SMYD3: variants seen among roughly 807,000 people sequenced by gnomAD.
SMYD3 encodes SET and MYND domain containing 3.
Under a neutral mutation model 57.7 loss-of-function variants are expected in SMYD3, and 36 were observed. The observed-to-expected ratio is 0.62, with a 90% CI of 0.48 to 0.82. SMYD3 has a LOEUF of 0.82. Among genes scored for constraint, SMYD3 ranks in the 40% least tolerant of loss-of-function variants. The pLI is 0.00. For missense variants in SMYD3, 515 were observed against 538.8 expected (o/e 0.96, Z 0.44); for synonymous variants, 211 against 195.0 (o/e 1.08, Z -0.68).
At chr1:246,212,326 A>G (rs572781398) in intron 5 of SMYD3, among the ~76,000 whole-genome samples, 1 of 152,282 alleles carries the variant, frequency 6.6e-6, no homozygotes, top group South Asian at 2.1e-4. Flanking sequence ...CAATATTAGA[A>G]GAATGATTAA....
chr1:245,948,722 C>T (rs1036414611), intron 5 of SMYD3, among the ~76,000 whole-genome samples: 1 of 152,198 alleles, frequency 6.6e-6, no homozygotes, highest in African/African-American at 2.4e-5. Context: ...GCTCCTGCTG[C>T]TGCCAGGGCT....
At chr1:245,816,786 C>T (rs561525937) in intron 10 of SMYD3, among the ~76,000 whole-genome samples, 14 of 152,210 alleles carry the variant, frequency 9.2e-5, no homozygotes, top group African/African-American at 3.1e-4. Context: ...AAAGGGGTGA[C>T]GGACGCACCT....
intron 1 of SMYD3, among the ~76,000 whole-genome samples, chr1:246,488,641 G>A (rs759855626): frequency 3.9e-5 from 6 of 152,034 alleles, no homozygotes; most frequent in East Asian, 3.9e-4. Context: ...TGCCGAGATC[G>A]CACCACTGCA....
chr1:246,226,336 T>C (rs532603823), intron 5 of SMYD3, among the ~76,000 whole-genome samples: 2 of 152,176 alleles, frequency 1.3e-5, no homozygotes, highest in Non-Finnish European at 2.9e-5. Flanking sequence ...TTTGCATGAG[T>C]TAAATATCAT....
chr1:246,222,591 G>T (rs778792820), intron 5 of SMYD3, among the ~76,000 whole-genome samples: 53 of 152,132 alleles, frequency 3.5e-4, no homozygotes, highest in Non-Finnish European at 6.0e-4. Flanking sequence ...GATTCTTCAT[G>T]AATATATCCT....
intron 1 of SMYD3, among the ~76,000 whole-genome samples, chr1:246,462,621 G>A (rs937176912): frequency 7.2e-5 from 11 of 152,186 alleles, no homozygotes; most frequent in Non-Finnish European, 1.0e-4. Flanking sequence ...ATCTGGTATA[G>A]CTGAAACAAA....
chr1:245,889,991 G>T (rs2148578527), intron 8 of SMYD3, among the ~76,000 whole-genome samples: 1 of 151,972 alleles, frequency 6.6e-6, no homozygotes, highest in South Asian at 2.1e-4. Context: ...ACTGGGGGAA[G>T]GATAGTCTTC....
chr1:246,107,676 A>G (rs2061155631), intron 5 of SMYD3, among the ~76,000 whole-genome samples: 1 of 152,346 alleles, frequency 6.6e-6, no homozygotes, highest in South Asian at 2.1e-4. Flanking sequence ...AAACAATACA[A>G]AAGATTGCTA....
At chr1:245,893,770 G>GGTGGTGGTT (rs2053551513) in intron 8 of SMYD3, among the ~76,000 whole-genome samples, 1 of 151,516 alleles carries the variant, frequency 6.6e-6, no homozygotes, top group East Asian at 1.9e-4. Flanking sequence ...TGGTGGTGGT[G>GGTGGTGGTT]GTGGTTGTGG....
chr1:245,891,990 A>T (rs2053413644), intron 8 of SMYD3, among the ~76,000 whole-genome samples: 1 of 152,158 alleles, frequency 6.6e-6, no homozygotes, highest in Non-Finnish European at 1.5e-5. Context: ...CCATGAACAC[A>T]CCACTGCACT....
At position 246,366,682 on chromosome 1, in the gene SMYD3, G is replaced by A. The variant is rs74872838; in HGVS notation, c.165-11588C>T. 0.017 allele frequency among the ~76,000 whole-genome samples: 2,634 copies of A among 151,982 alleles called. 225 individuals carry two copies. The East Asian group carries it at 0.23, about 14-fold the overall frequency. ...AAATTGGCCAGGCACGGTAGCTCAC[G>A]CCTGTAATCCCAGCACTTTGAGGTG... On this transcript the variant is annotated intron_variant, in intron 1 of 11. Transcript: ENST00000490107.
At position 245,825,383 on chromosome 1, in the gene SMYD3, C is replaced by T. The variant is rs781253905; in HGVS notation, c.1076+33113G>A. Among the ~76,000 whole-genome samples, 8 of 152,290 alleles carry T rather than the reference C, an allele frequency of 5.3e-5. No individual in the cohort carries two copies. In the East Asian group the frequency reaches 7.7e-4, roughly 15 times the overall value. ...GTCTCATATCTAGAGGAAACTACTA[C>T]GGGGGAAGTTACTGGGATGAGATTG... On this transcript the variant is annotated intron_variant, in intron 10 of 11. Transcript: ENST00000490107.
intron 5 of SMYD3, among the ~76,000 whole-genome samples, chr1:246,132,453 AAAGAATG>A (rs976927934): frequency 6.6e-5 from 10 of 152,128 alleles, no homozygotes; most frequent in Non-Finnish European, 1.5e-4. Flanking sequence ...TCTACATGCA[AAAGAATG>A]AAGTTGGATG....
intron 8 of SMYD3, among the ~76,000 whole-genome samples, chr1:245,888,079 G>A (rs1284661416): frequency 6.6e-6 from 1 of 152,162 alleles, no homozygotes; most frequent in Non-Finnish European, 1.5e-5. Context: ...TCCTTGTTGG[G>A]GTGAGTCAGG....
intron 5 of SMYD3, among the ~76,000 whole-genome samples, chr1:246,226,328 T>A (rs1044648489): frequency 6.6e-6 from 1 of 151,028 alleles, no homozygotes; most frequent in African/African-American, 2.5e-5. Context: ...AAGCACACTT[T>A]GCATGAGTTA....
At chr1:245,815,237 C>A (rs1052161751) in intron 10 of SMYD3, among the ~76,000 whole-genome samples, 1 of 152,220 alleles carries the variant, frequency 6.6e-6, no homozygotes, top group Non-Finnish European at 1.5e-5. Flanking sequence ...CAAACACACA[C>A]AGGAAGCAAC....
intron 5 of SMYD3, among the ~76,000 whole-genome samples, chr1:246,232,720 TCA>T (rs1024435774): frequency 1.8e-5 from 2 of 112,572 alleles, no homozygotes; most frequent in African/African-American, 7.2e-5. Context: ...CTCCTTCAAT[TCA>T]CACAGTGATG....
intron 5 of SMYD3, among the ~76,000 whole-genome samples, chr1:246,093,281 A>G (rs530137942): frequency 6.6e-6 from 1 of 152,324 alleles, no homozygotes; most frequent in African/African-American, 2.4e-5. Context: ...TATCCAAAAG[A>G]AAGGAACTCA....
intron 5 of SMYD3, among the ~76,000 whole-genome samples, chr1:246,324,303 T>C (rs917335140): frequency 1.3e-5 from 2 of 150,926 alleles, no homozygotes; most frequent in African/African-American, 4.9e-5. Flanking sequence ...TAATCCCAGC[T>C]CCTTGGGAGG....
Sources: gnomAD v4.1 joint callset for allele counts (sites outside exome capture counted in the v4.1 genomes callset) on GRCh38, gnomAD v4.1.1 for gene constraint, MANE v1.5 for transcripts, NCBI Gene and HGNC (gene_info 2026-07-23, HGNC 2026-07-21) for gene names.